The following CAPZB variants were observed in gnomAD, a reference collection of about 807,000 sequenced individuals.
CAPZB encodes F-actin-capping protein subunit beta.
In CAPZB, 2 loss-of-function variants were observed where a neutral mutation model predicts 38.1. The ratio of observed to expected loss-of-function variants is 0.05; its 90% CI spans 0.02 to 0.17. The LOEUF (loss-of-function observed/expected upper bound fraction) is 0.17. CAPZB is among the 10% of genes least tolerant of loss of function. The pLI, the probability that CAPZB is intolerant of heterozygous loss-of-function variation, is 1.00. For synonymous variants in CAPZB, 107 were observed against 127.4 expected (o/e 0.84, Z 1.08); for missense variants, 161 against 334.2 (o/e 0.48, Z 4.04).
intron 1 of CAPZB, among the ~76,000 whole-genome samples, chr1:19,446,889 T>C (rs2094497761): frequency 6.6e-6 from 1 of 152,218 alleles, no homozygotes; most frequent in Admixed American, 6.5e-5. Flanking sequence ...CCAAGTTTTT[T>C]CCATCACATG....
chr1:19,474,574 A>G (rs1163800007), intron 1 of CAPZB, among the ~76,000 whole-genome samples: 22 of 152,080 alleles, frequency 1.4e-4, no homozygotes, highest in Admixed American at 1.4e-3. Flanking sequence ...AGAATCAAAC[A>G]CCTGCCCTTA....
intron 1 of CAPZB, among the ~76,000 whole-genome samples, chr1:19,446,549 T>G (rs2094496481): frequency 6.6e-6 from 1 of 151,952 alleles, no homozygotes; most frequent in Non-Finnish European, 1.5e-5. Context: ...ATTCATAACC[T>G]CCTAGGAATC....
At chr1:19,448,236 C>G (rs2094502996) in intron 1 of CAPZB, among the ~76,000 whole-genome samples, 1 of 152,280 alleles carries the variant, frequency 6.6e-6, no homozygotes, top group African/African-American at 2.4e-5. Flanking sequence ...TCTCCAGGCA[C>G]TGCCCACCCA....
At chr1:19,364,405 A>C (rs544099829) in intron 4 of CAPZB, among the ~76,000 whole-genome samples, 1 of 152,308 alleles carries the variant, frequency 6.6e-6, no homozygotes, top group South Asian at 2.1e-4. Flanking sequence ...TACATTCCTG[A>C]GGCAAACATT....
intron 1 of CAPZB, among the ~76,000 whole-genome samples, chr1:19,431,815 A>G (rs1187828811): frequency 6.6e-6 from 1 of 151,752 alleles, no homozygotes; most frequent in Non-Finnish European, 1.5e-5. Context: ...AATGGCTTAC[A>G]CCTGTAATCC....
At chr1:19,350,753 TAC>T (rs1366599197) in intron 6 of CAPZB, among the ~76,000 whole-genome samples, 2 of 152,018 alleles carry the variant, frequency 1.3e-5, no homozygotes, top group Non-Finnish European at 2.9e-5. Context: ...TAGCTGGGAC[TAC>T]AGGCACACTG....
intron 2 of CAPZB, among the ~76,000 whole-genome samples, chr1:19,386,393 T>C (rs980053137): frequency 5.9e-5 from 9 of 152,240 alleles, no homozygotes; most frequent in African/African-American, 2.2e-4. Context: ...GGCAGCACTT[T>C]CAGAAATGGA....
intron 1 of CAPZB, among the ~76,000 whole-genome samples, chr1:19,446,588 A>C (rs2094496691): frequency 6.6e-6 from 1 of 151,676 alleles, no homozygotes; most frequent in Non-Finnish European, 1.5e-5. Context: ...CAAGCTGATG[A>C]ACAAAGATGC....
chr1:19,484,357 ATC>A, intron 1 of CAPZB: 1 of 1,554,850 alleles, frequency 6.4e-7, no homozygotes, highest in Non-Finnish European at 8.7e-7. Flanking sequence ...TTGTGCGTTC[ATC>A]CTTGTCCTGT....
At chr1:19,398,982 G>A (rs955273597) in intron 2 of CAPZB, among the ~76,000 whole-genome samples, 5 of 150,956 alleles carry the variant, frequency 3.3e-5, no homozygotes, top group South Asian at 2.1e-4. Context: ...TCAGCCTCCC[G>A]AGTAGCTGGG....
intron 2 of CAPZB, among the ~76,000 whole-genome samples, chr1:19,410,610 G>GAGGA (rs979373522): frequency 1.3e-5 from 2 of 151,942 alleles, no homozygotes; most frequent in African/African-American, 4.8e-5. Flanking sequence ...TCAAGCTCTG[G>GAGGA]AGGAACATCG....
chr1:19,411,217 A>T (rs56101112), intron 2 of CAPZB, among the ~76,000 whole-genome samples: 9,084 of 152,228 alleles, frequency 0.06, 884 homozygotes, highest in African/African-American at 0.21. Context: ...TGTTTAATTT[A>T]AAAAGATGAA....
intron 3 of CAPZB, among the ~76,000 whole-genome samples, chr1:19,380,247 T>C (rs1388305502): frequency 6.6e-6 from 1 of 152,060 alleles, no homozygotes; most frequent in East Asian, 1.9e-4. Flanking sequence ...CCAAAGAGTC[T>C]CCAGGCAGGA....
intron 1 of CAPZB, chr1:19,484,262 G>A (rs753504768): frequency 6.2e-6 from 10 of 1,612,180 alleles, no homozygotes; most frequent in Admixed American, 1.7e-5. Flanking sequence ...AGGGGAGGCT[G>A]CGCCTGCTTG....
At chr1:19,449,837 G>A (rs527971015) in intron 1 of CAPZB, among the ~76,000 whole-genome samples, 45 of 150,528 alleles carry the variant, frequency 3.0e-4, no homozygotes, top group Non-Finnish European at 4.7e-4. Context: ...GAGAGCGAGA[G>A]AAAGAGAAAG....
At chr1:19,461,711 T>C (rs1301847006) in intron 1 of CAPZB, among the ~76,000 whole-genome samples, 6 of 152,194 alleles carry the variant, frequency 3.9e-5, no homozygotes, top group African/African-American at 1.2e-4. Context: ...ACTGCATAAA[T>C]ACTTAACTGA....
At chr1:19,485,338 C>T in intron 1 of CAPZB, 98 bp downstream of exon 1, 2 of 893,402 alleles carry the variant, frequency 2.2e-6, no homozygotes, top group South Asian at 5.6e-5. Flanking sequence ...TCCCCCACCC[C>T]GGGAAGCCAC....
chr1:19,415,470 C>A (rs2094374892), intron 2 of CAPZB, among the ~76,000 whole-genome samples: 1 of 152,170 alleles, frequency 6.6e-6, no homozygotes, highest in Non-Finnish European at 1.5e-5. Context: ...CAGCACAGAC[C>A]AATCCTTACA....
chr1:19,364,515 C>T (rs79621838), intron 4 of CAPZB, among the ~76,000 whole-genome samples: 28,869 of 152,260 alleles, frequency 0.19, 3,250 homozygotes, highest in South Asian at 0.3. Flanking sequence ...CATGCCCTTT[C>T]CTTGCATAGT....
Sources: gnomAD v4.1 joint callset for allele counts (sites outside exome capture counted in the v4.1 genomes callset) on GRCh38, gnomAD v4.1.1 for gene constraint, MANE v1.5 for transcripts, NCBI Gene and HGNC (gene_info 2026-07-23, HGNC 2026-07-21) for gene names.